Variants in NLN observed in about 807,000 individuals in gnomAD.
NLN encodes neurolysin, mitochondrial.
In NLN, 64 loss-of-function variants were observed where a neutral mutation model predicts 79.9. The ratio of observed to expected loss-of-function variants is 0.80; its 90% CI spans 0.65 to 0.99. NLN has a LOEUF of 0.99. NLN is among the 50% of genes least tolerant of loss of function. NLN has a pLI of 0.00. For synonymous variants in NLN, 267 were observed against 296.6 expected (o/e 0.90, Z 1.02); for missense variants, 835 against 858.7 (o/e 0.97, Z 0.34).
chr5:65,727,897 G>T (rs1007170283), intron 1 of NLN, among the ~76,000 whole-genome samples: 6 of 152,264 alleles, frequency 3.9e-5, no homozygotes, highest in Non-Finnish European at 8.8e-5. Context: ...CTCCTGAGTG[G>T]CTGGGATTAC....
chr5:65,775,966 T>C (rs960368953), intron 3 of NLN, among the ~76,000 whole-genome samples: 1 of 152,170 alleles, frequency 6.6e-6, no homozygotes. Context: ...ATAAAATTAT[T>C]TGTTGGCCAG....
intron 1 of NLN, among the ~76,000 whole-genome samples, chr5:65,728,198 C>T (rs1018546929): frequency 2.0e-5 from 3 of 152,142 alleles, no homozygotes; most frequent in Non-Finnish European, 4.4e-5. Flanking sequence ...ACAGCCAATT[C>T]TTAACAGCTT....
intron 1 of NLN, among the ~76,000 whole-genome samples, chr5:65,740,273 C>T (rs528003779): frequency 1.3e-5 from 2 of 152,212 alleles, no homozygotes; most frequent in South Asian, 2.1e-4. Context: ...GAGGACATAA[C>T]GCGGTGAGTG....
At chr5:65,755,244 A>G (rs1759194029) in intron 1 of NLN, among the ~76,000 whole-genome samples, 1 of 152,216 alleles carries the variant, frequency 6.6e-6, no homozygotes, top group South Asian at 2.1e-4. Context: ...AATTTCTTAC[A>G]TATTTTGTGG....
intron 9 of NLN, chr5:65,793,277 A>G (rs897780608): frequency 1.2e-5 from 2 of 161,466 alleles, no homozygotes; most frequent in Admixed American, 1.2e-4. Context: ...AGCATGAACC[A>G]TATGAACTTG....
At chr5:65,736,700 G>C (rs10070137) in intron 1 of NLN, among the ~76,000 whole-genome samples, 35,975 of 151,982 alleles carry the variant, frequency 0.24, 4,383 homozygotes, top group African/African-American at 0.27. Context: ...TTTGTATTTT[G>C]TGCCTGTTTA....
chr5:65,752,604 A>C (rs1759124224), intron 1 of NLN, among the ~76,000 whole-genome samples: 1 of 152,186 alleles, frequency 6.6e-6, no homozygotes, highest in Admixed American at 6.5e-5. Flanking sequence ...AGTTCTTTCC[A>C]GGGCTGCAGA....
At chr5:65,820,716 G>GTT (rs71774741) in intron 12 of NLN, among the ~76,000 whole-genome samples, 3 of 128,986 alleles carry the variant, frequency 2.3e-5, no homozygotes, top group African/African-American at 8.3e-5. Flanking sequence ...GAAATGACAT[G>GTT]TTTTTTTTTG....
At chr5:65,765,320 C>T (rs1227315378) in intron 3 of NLN, among the ~76,000 whole-genome samples, 1 of 152,144 alleles carries the variant, frequency 6.6e-6, no homozygotes, top group African/African-American at 2.4e-5. Context: ...AAGTTCAAGA[C>T]CAGCCTGGTC....
chr5:65,768,485 G>A (rs927755156), intron 3 of NLN, among the ~76,000 whole-genome samples: 2 of 152,168 alleles, frequency 1.3e-5, no homozygotes, highest in Non-Finnish European at 2.9e-5. Flanking sequence ...CCCTCAATAC[G>A]TGGGGATTAA....
Position 65,824,655 on chromosome 5 carries a change from C to T in NLN, c.*1740C>T, listed in dbSNP as rs866414451. The T allele has an allele frequency of 6.6e-6, 1 of 152,190 alleles. No individual in the cohort carries two copies. Among genetic ancestry groups the T allele is most frequent in the Non-Finnish European group, 1.5e-5 (1 of 68,030 alleles). The allele number at this position is 152,190 out of a possible 1,614,324, so 9.4% of individuals were successfully genotyped here. ...AAACTAAATTGGTGTGGAAAGGCTG[C>T]ACACAATAAAGTTATATTATTATCC... is the stretch of plus-strand genomic sequence containing the variant. On this transcript the variant is annotated 3_prime_UTR_variant, in exon 13 of 13. Transcript: ENST00000380985.
At chr5:65,821,218 G>T (rs1186376067) in intron 12 of NLN, among the ~76,000 whole-genome samples, 1 of 152,062 alleles carries the variant, frequency 6.6e-6, no homozygotes, top group Admixed American at 6.6e-5. Flanking sequence ...AAAATTGATT[G>T]AAAACTTGTA....
intron 1 of NLN, among the ~76,000 whole-genome samples, chr5:65,730,154 T>A (rs139641422): frequency 1.3e-5 from 2 of 152,330 alleles, no homozygotes; most frequent in East Asian, 3.9e-4. Context: ...TTAATGGAAC[T>A]TACATTCCAG....
chr5:65,741,657 T>G (rs376289241), intron 1 of NLN, among the ~76,000 whole-genome samples: 25 of 152,298 alleles, frequency 1.6e-4, no homozygotes, highest in African/African-American at 5.3e-4. Context: ...CAAAAGCAAT[T>G]TATTCATGTT....
Position 65,733,921 on chromosome 5 carries a change from G to A in NLN, c.41+11507G>A, listed in dbSNP as rs1184656955. On this transcript the variant is annotated intron_variant, in intron 1 of 12. Transcript: ENST00000380985. ...TTTTTTTCTTTTTTTTTTTTGAGAC[G>A]GAGTCTCGCTCTGTCACCCAGGCTG... Among the ~76,000 whole-genome samples, 4 of 130,578 alleles carry A rather than the reference G, an allele frequency of 3.1e-5. 1 individual carries two copies. Among genetic ancestry groups the A allele is most frequent in the Non-Finnish European group, 6.6e-5 (4 of 60,496 alleles). The allele number at this position is 130,578 out of a possible 152,430, so 85.7% of individuals were successfully genotyped here.
rs1396445935 is a variant in NLN, at chr5:65,826,123, C to T, written c.*3208C>T. The T allele has an allele frequency of 1.3e-5, 2 of 152,090 alleles. No homozygotes were observed. Among genetic ancestry groups the T allele is most frequent in the Non-Finnish European group, 2.9e-5 (2 of 68,034 alleles). 9.4% of individuals were successfully genotyped at this position (152,090 alleles called of 1,614,324 possible). On this transcript the variant is annotated 3_prime_UTR_variant, in exon 13 of 13. Transcript: ENST00000380985. ...TTACTGACCACATCCCCAAAAGTGT[C>T]AGGTAGACATGTTACAAATAGCTCT...
chr5:65,813,396 A>G (rs769067558), intron 12 of NLN, among the ~76,000 whole-genome samples: 21 of 152,150 alleles, frequency 1.4e-4, no homozygotes, highest in Non-Finnish European at 2.5e-4. Context: ...ATGACCTTCA[A>G]CCAGGACCCA....
chr5:65,827,284 T>C lies in NLN; in HGVS notation c.*4369T>C, dbSNP rs1414948316. ...CCTGAGAAAATACAGGTTCAACACA[T>C]CTAGTCCACGATGTACGTACAAGGG... On this transcript the variant is annotated 3_prime_UTR_variant, in exon 13 of 13. Transcript: ENST00000380985. 3.9e-5 allele frequency: 6 copies of C among 152,122 alleles called. No individual in the cohort carries two copies. Among genetic ancestry groups the C allele is most frequent in the East Asian group, 1.9e-4 (1 of 5,190 alleles). The allele number at this position is 152,122 out of a possible 1,614,324, so 9.4% of individuals were successfully genotyped here. A position where few individuals can be genotyped will look rare whatever the true frequency, so the allele number is the denominator to read the frequency against.
chr5:65,724,950 C>G (rs1332786729), intron 1 of NLN, among the ~76,000 whole-genome samples: 1 of 151,746 alleles, frequency 6.6e-6, no homozygotes, highest in Admixed American at 6.6e-5. Flanking sequence ...TACAGGCGCC[C>G]GCAACCACGC....
Sources: allele counts gnomAD v4.1 joint callset (sites outside exome capture counted in the v4.1 genomes callset), GRCh38; gene constraint gnomAD v4.1.1; transcripts MANE v1.5; gene names NCBI Gene and HGNC (gene_info 2026-07-23, HGNC 2026-07-21).